The following MICAL2 variants were observed in gnomAD, a reference collection of about 807,000 sequenced individuals.
MICAL2 encodes [F-actin]-monooxygenase MICAL2.
A neutral mutation model predicts 127.3 loss-of-function variants in MICAL2; 77 were observed. The observed-to-expected ratio is 0.60, with a 90% CI of 0.50 to 0.73. The LOEUF is 0.73. Ranked by LOEUF, MICAL2 falls within the 30% of genes least tolerant of loss-of-function variation. The pLI is 0.00. For missense variants in MICAL2, 1,351 were observed against 1,434.4 expected (o/e 0.94, Z 0.94); for synonymous variants, 570 against 551.1 (o/e 1.03, Z -0.48).
chr11:12,223,603 G>A, intron 12 of MICAL2, 102 bp downstream of exon 12: 1 of 1,013,630 alleles, frequency 9.9e-7, no homozygotes, highest in Non-Finnish European at 1.5e-6. Context: ...AACCAGCCTG[G>A]CTCTGCCCCT....
chr11:12,213,581 G>T (rs1412180417), intron 7 of MICAL2, among the ~76,000 whole-genome samples, 171 bp downstream of exon 7: 1 of 152,160 alleles, frequency 6.6e-6, no homozygotes, highest in African/African-American at 2.4e-5. Context: ...GATTCCTTCT[G>T]GGACAAGAGA....
chr11:12,265,942 C>G (rs1863606840), downstream of MICAL2, among the ~76,000 whole-genome samples: 3 of 151,970 alleles, frequency 2.0e-5, no homozygotes, highest in Non-Finnish European at 4.4e-5. Context: ...ACGACAAAAC[C>G]CTGTCTCTAC....
In MICAL2 at chr11:12,213,276, G is replaced by A. The variant is rs763470102; in HGVS notation, c.713G>A (p.Arg238His). 14 of 1,611,960 alleles carry A rather than the reference G, an allele frequency of 8.7e-6. No individual in the cohort carries two copies. Among genetic ancestry groups the A allele is most frequent in the African/African-American group, 1.3e-5 (1 of 74,794 alleles). The change falls in exon 7 of 28, where the codon CGT becomes CAT. Residue 238 changes from arginine (R) to histidine (H), a missense_variant. Coordinates refer to ENST00000683283, the MANE Select transcript of MICAL2 (RefSeq NM_001282663.2). ...GCAGGGTTCAGAAGAAAAGAATTCC[G>A]TGGGAAGCTGGCGATTGCCATCACC... ...TLEGFRRKEFRGKLAIAITAN... is the reference protein window; with the variant it reads ...TLEGFRRKEFHGKLAIAITAN...
chr11:12,175,646 G>A (rs1856759758), intron 3 of MICAL2, among the ~76,000 whole-genome samples: 1 of 151,938 alleles, frequency 6.6e-6, no homozygotes, highest in Admixed American at 6.6e-5. Flanking sequence ...ATACAGCAGG[G>A]CAGGGAGAGG....
intron 1 of MICAL2, among the ~76,000 whole-genome samples, chr11:12,130,566 A>C (rs1851331388): frequency 6.6e-6 from 1 of 152,190 alleles, no homozygotes; most frequent in Non-Finnish European, 1.5e-5. Flanking sequence ...AGTTCAGCCC[A>C]ACAAAAGTTT....
intron 3 of MICAL2, among the ~76,000 whole-genome samples, chr11:12,189,431 A>G (rs192154223): frequency 6.6e-6 from 1 of 152,320 alleles, no homozygotes; most frequent in Admixed American, 6.5e-5. Flanking sequence ...TGTTTTTTGA[A>G]TGAATGCATA....
intron 3 of MICAL2, among the ~76,000 whole-genome samples, chr11:12,163,321 A>G (rs1855067607): frequency 6.6e-6 from 1 of 152,190 alleles, no homozygotes; most frequent in Non-Finnish European, 1.5e-5. Context: ...CTGTGTGTTT[A>G]GGTTAAAATC....
In MICAL2 at chr11:12,175,481, CA is replaced by C. The variant is rs560749217; in HGVS notation, c.264+13070del. On this transcript the variant is annotated intron_variant, in intron 3 of 27. Coordinates refer to ENST00000683283, the MANE Select transcript of MICAL2 (RefSeq NM_001282663.2). ...ACAGAGCAAGACTCTGGGTCGAAAA[CA>C]AAAAAAAGAAAACAGACAAAATCCT... is the stretch of plus-strand genomic sequence containing the variant. 3.2e-4 allele frequency among the ~76,000 whole-genome samples: 48 copies of C among 150,578 alleles called. 1 individual carries two copies. The highest frequency in any genetic ancestry group is 1.0e-3 in the African/African-American group (43 of 41,000).
At chr11:12,133,410 C>T (rs546744852) in intron 1 of MICAL2, among the ~76,000 whole-genome samples, 35 of 152,226 alleles carry the variant, frequency 2.3e-4, no homozygotes, top group African/African-American at 5.3e-4. Flanking sequence ...CCTTTAAAAA[C>T]ACACCTGAAG....
chr11:12,281,159 C>T, intron 2 of MICAL2: 1 of 398,128 alleles, frequency 2.5e-6, no homozygotes, highest in Non-Finnish European at 4.4e-6. Flanking sequence ...GAGACCCCCA[C>T]AGCTGAATTT....
At chr11:12,170,843 C>T (rs2133873747) in intron 3 of MICAL2, among the ~76,000 whole-genome samples, 1 of 152,280 alleles carries the variant, frequency 6.6e-6, no homozygotes, top group East Asian at 1.9e-4. Context: ...TGACGGTGAG[C>T]TCCCTAAGGA....
chr11:12,262,696 G>T (rs549856127), intron 27 of MICAL2, 159 bp downstream of exon 27: 3 of 664,010 alleles, frequency 4.5e-6, no homozygotes, highest in African/African-American at 1.8e-5. Flanking sequence ...AGCATGGCGG[G>T]GGGTGTTCAG....
chr11:12,217,704 G>A (rs964058152), intron 8 of MICAL2, among the ~76,000 whole-genome samples: 1 of 152,146 alleles, frequency 6.6e-6, no homozygotes, highest in Non-Finnish European at 1.5e-5. Context: ...GGTCATCCCA[G>A]GTGTTTGCTC....
chr11:12,172,365 G>A (rs373472164), intron 3 of MICAL2, among the ~76,000 whole-genome samples: 34 of 152,280 alleles, frequency 2.2e-4, no homozygotes, highest in African/African-American at 8.2e-4. Flanking sequence ...GTAGGTGTTT[G>A]GAGTGCAGGG....
intron 2 of MICAL2, among the ~76,000 whole-genome samples, chr11:12,148,164 A>G (rs761533178): frequency 1.3e-5 from 2 of 152,114 alleles, no homozygotes; most frequent in Non-Finnish European, 2.9e-5. Context: ...TCTTACCAAT[A>G]ACTGTTAGTT....
chr11:12,176,990 A>C (rs1056339467), intron 3 of MICAL2, among the ~76,000 whole-genome samples: 2 of 152,146 alleles, frequency 1.3e-5, no homozygotes, highest in African/African-American at 2.4e-5. Context: ...CTTCATGATC[A>C]TGCTTTAATT....
At chr11:12,175,881 G>A (rs1856789634) in intron 3 of MICAL2, among the ~76,000 whole-genome samples, 1 of 152,058 alleles carries the variant, frequency 6.6e-6, no homozygotes, top group Non-Finnish European at 1.5e-5. Flanking sequence ...GGCTGGGGGT[G>A]GTAAGAGATG....
chr11:12,262,811 G>A, intron 27 of MICAL2: 1 of 383,044 alleles, frequency 2.6e-6, no homozygotes, highest in Non-Finnish European at 4.7e-6. Flanking sequence ...CTGCGTGCAT[G>A]CTTCTCCAGT....
At chr11:12,194,534 C>T (rs537231370) in intron 3 of MICAL2, among the ~76,000 whole-genome samples, 3 of 152,208 alleles carry the variant, frequency 2.0e-5, no homozygotes, top group African/African-American at 4.8e-5. Context: ...TGCCTTTTTC[C>T]CCACATGTAG....
Sources: allele counts gnomAD v4.1 joint callset (sites outside exome capture counted in the v4.1 genomes callset), GRCh38; gene constraint gnomAD v4.1.1; transcripts MANE v1.5; gene names NCBI Gene and HGNC (gene_info 2026-07-23, HGNC 2026-07-21).